RAB12: variants seen among roughly 807,000 people sequenced by gnomAD.
RAB12 encodes the protein ras-related protein Rab-12.
RAB12 carries 11 observed loss-of-function variants against 28.4 expected under a neutral mutation model. That is an observed-to-expected ratio of 0.39 (90% CI 0.24 to 0.64). The LOEUF (loss-of-function observed/expected upper bound fraction) is 0.64, where lower values mean the gene tolerates loss of function less well. Among genes scored for constraint, RAB12 ranks in the 30% least tolerant of loss-of-function variants. The pLI, the probability that RAB12 is intolerant of heterozygous loss-of-function variation, is 0.50. For synonymous variants in RAB12, 138 were observed against 145.3 expected (o/e 0.95, Z 0.36); for missense variants, 276 against 351.1 (o/e 0.79, Z 1.71).
At chr18:8,634,283 CTTTT>C (rs752637908) in intron 3 of RAB12, among the ~76,000 whole-genome samples, 4 of 92,580 alleles carry the variant, frequency 4.3e-5, no homozygotes, top group African/African-American at 1.1e-4. Context: ...CTCTCTCTCT[CTTTT>C]TTTTTTTTTT....
chr18:8,609,561 T>C lies in RAB12; in HGVS notation c.122T>C (p.Leu41Ser). 1 of 163,566 alleles carries C rather than the reference T, an allele frequency of 6.1e-6. No homozygotes were observed. The highest frequency in any genetic ancestry group is 1.2e-5 in the Non-Finnish European group (1 of 81,006). 10.1% of individuals were successfully genotyped at this position (163,566 alleles called of 1,614,324 possible). Reference sequence around the variant, plus strand: ...GCAGAGAGCCGGCCGGCGGCGCAGTTGCAGCGCGGAGCCCACGGGCCGCCG... The same window carrying C: ...GCAGAGAGCCGGCCGGCGGCGCAGTCGCAGCGCGGAGCCCACGGGCCGCCG... ...PGAESRPAAQ[L>S]QRGAHGPPGP... Residue 41 changes from leucine (L) to serine (S), a missense_variant, in exon 1 of 6, where the codon TTG becomes TCG. Coordinates refer to ENST00000649141, the MANE Select transcript of RAB12 (RefSeq NM_001025300.3).
At chr18:8,634,700 C>T (rs941373474) in intron 3 of RAB12, among the ~76,000 whole-genome samples, 2 of 152,196 alleles carry the variant, frequency 1.3e-5, no homozygotes, top group African/African-American at 4.8e-5. Flanking sequence ...GCCCATTGCC[C>T]CAGCCCTGCG....
At chr18:8,638,024 A>G (rs2096019920) in intron 5 of RAB12, 125 bp from the exon 6 acceptor site, 2 of 619,850 alleles carry the variant, frequency 3.2e-6, no homozygotes, top group Non-Finnish European at 5.7e-6. Context: ...GAGGCAGGTG[A>G]AACTTGTATT....
intron 2 of RAB12, among the ~76,000 whole-genome samples, chr18:8,632,346 C>T: frequency 6.6e-6 from 1 of 150,486 alleles, no homozygotes; most frequent in Admixed American, 6.6e-5. Flanking sequence ...GTAACTTGTT[C>T]AGAAAAGCTA....
chr18:8,609,772 C>A lies in RAB12; in HGVS notation c.333C>A (p.Gly111=). The A allele has an allele frequency of 1.6e-6, 2 of 1,278,058 alleles. No homozygotes were observed. Among genetic ancestry groups the A allele is most frequent in the Non-Finnish European group, 2.0e-6 (2 of 1,013,344 alleles). The allele number at this position is 1,278,058 out of a possible 1,614,324, so 79.2% of individuals were successfully genotyped here. Residue 111 remains glycine, a synonymous_variant, in exon 1 of 6, where the codon GGC becomes GGA. Coordinates refer to ENST00000649141, the MANE Select transcript of RAB12 (RefSeq NM_001025300.3). Reference sequence around the variant, plus strand: ...TGCAGAGGCGGGCCGGGGGCGGCGGCGGTCTGGGCGCGGGCTCCCCGGCGC... The same window carrying A: ...TGCAGAGGCGGGCCGGGGGCGGCGGAGGTCTGGGCGCGGGCTCCCCGGCGC... The part of the protein sequence containing the change: ...AALQRRAGGG[G]GLGAGSPALS...
At chr18:8,621,352 C>G (rs2096009776) in intron 1 of RAB12, among the ~76,000 whole-genome samples, 1 of 152,110 alleles carries the variant, frequency 6.6e-6, no homozygotes, top group Admixed American at 6.5e-5. Context: ...TAGTCATGTA[C>G]TTTGATAGAG....
intron 3 of RAB12, among the ~76,000 whole-genome samples, chr18:8,634,795 C>T (rs1239882936): frequency 6.6e-6 from 1 of 152,228 alleles, no homozygotes; most frequent in Non-Finnish European, 1.5e-5. Flanking sequence ...ACGGCCACAC[C>T]ATTCAGGTTC....
intron 1 of RAB12, among the ~76,000 whole-genome samples, chr18:8,610,506 C>A (rs1260951670): frequency 6.6e-6 from 1 of 152,240 alleles, no homozygotes; most frequent in Non-Finnish European, 1.5e-5. Context: ...GGAGCTTCAG[C>A]TGTATTTATC....
chr18:8,622,459 G>GC (rs1210561053), intron 1 of RAB12, among the ~76,000 whole-genome samples: 1 of 152,142 alleles, frequency 6.6e-6, no homozygotes, highest in African/African-American at 2.4e-5. Flanking sequence ...GTTCCGTGAT[G>GC]CCCCACAAGC....
In RAB12 at chr18:8,638,745, G is replaced by A. The variant is rs2096020425; in HGVS notation, c.*483G>A. 2 of 153,762 alleles carry A rather than the reference G, an allele frequency of 1.3e-5. No individual in the cohort carries two copies. The highest frequency in any genetic ancestry group is 2.9e-5 in the Non-Finnish European group (2 of 68,938). The allele number at this position is 153,762 out of a possible 1,614,324, so 9.5% of individuals were successfully genotyped here. On this transcript the variant is annotated 3_prime_UTR_variant, in exon 6 of 6. Coordinates refer to ENST00000649141, the MANE Select transcript of RAB12 (RefSeq NM_001025300.3). ...ATTTCCCCCAGTGGTAGCATCTGAA[G>A]TATTGGAGTGTTTCTGCCACGAAGC...
At chr18:8,617,844 T>C (rs548336727) in intron 1 of RAB12, among the ~76,000 whole-genome samples, 3 of 152,334 alleles carry the variant, frequency 2.0e-5, no homozygotes, top group African/African-American at 7.2e-5. Flanking sequence ...CCCTGACTTC[T>C]GTTTTTTCAT....
intron 1 of RAB12, among the ~76,000 whole-genome samples, chr18:8,614,520 A>G (rs9959351): frequency 7.0e-5 from 9 of 127,670 alleles, no homozygotes; most frequent in African/African-American, 9.2e-5. Context: ...AAAAAAAAAG[A>G]AAAAAAAAAG....
intron 3 of RAB12, among the ~76,000 whole-genome samples, chr18:8,633,838 A>G (rs2096017326): frequency 6.6e-6 from 1 of 152,168 alleles, no homozygotes; most frequent in Non-Finnish European, 1.5e-5. Context: ...ATGGAATCAT[A>G]CAGATAGGCT....
At chr18:8,629,505 C>T (rs1385546754) in intron 2 of RAB12, among the ~76,000 whole-genome samples, 2 of 152,168 alleles carry the variant, frequency 1.3e-5, no homozygotes, top group African/African-American at 4.8e-5. Flanking sequence ...ATGTTACCAG[C>T]GCATGTCTAC....
chr18:8,623,748 T>G (rs570993655), intron 1 of RAB12, among the ~76,000 whole-genome samples: 4 of 152,264 alleles, frequency 2.6e-5, no homozygotes, highest in African/African-American at 4.8e-5. Flanking sequence ...TTATGTGTTA[T>G]GTGAGAGGTT....
chr18:8,623,218 C>T (rs1452172652), intron 1 of RAB12, among the ~76,000 whole-genome samples: 2 of 152,098 alleles, frequency 1.3e-5, no homozygotes, highest in Non-Finnish European at 2.9e-5. Context: ...ATGGAATCTT[C>T]ACAATTTATG....
intron 2 of RAB12, among the ~76,000 whole-genome samples, chr18:8,625,575 C>G (rs1598311104): frequency 6.6e-6 from 1 of 152,178 alleles, no homozygotes; most frequent in African/African-American, 2.4e-5. Flanking sequence ...ATGAGAGACT[C>G]AACCAGCTGT....
At chr18:8,633,038 T>C in intron 2 of RAB12, 151 bp from the exon 3 acceptor site, 1 of 860,598 alleles carries the variant, frequency 1.2e-6, no homozygotes, top group East Asian at 2.5e-5. Flanking sequence ...CTACTTTCTT[T>C]AAGTGTGGTC....
rs200463904 is a variant in RAB12 at position 8,630,351 on chromosome 18, GTTA to G, written c.576-2833_576-2831del. ...TTCTGATTAGCAGTTGGTTGAAAGA[GTTA>G]TTATCTATAGAAAGCAATGTCTGGG... On this transcript the variant is annotated intron_variant, in intron 2 of 5. Coordinates refer to ENST00000649141, the MANE Select transcript of RAB12 (RefSeq NM_001025300.3). Among the ~76,000 whole-genome samples the G allele has an allele frequency of 8.4e-3, 1,276 of 152,320 alleles. 13 individuals are homozygous for G. The highest frequency in any genetic ancestry group is 0.028 in the African/African-American group (1,166 of 41,566).
Sources: gnomAD v4.1 joint callset for allele counts (sites outside exome capture counted in the v4.1 genomes callset) on GRCh38, gnomAD v4.1.1 for gene constraint, MANE v1.5 for transcripts, NCBI Gene and HGNC (gene_info 2026-07-23, HGNC 2026-07-21) for gene names.